Variants in CYFIP1 observed in about 807,000 individuals in gnomAD.
CYFIP1 encodes cytoplasmic FMR1 interacting protein 1, also known as cytoplasmic FMR1-interacting protein 1.
A neutral mutation model predicts 163.5 loss-of-function variants in CYFIP1; 58 were observed. The observed-to-expected ratio is 0.35, with a 90% CI of 0.29 to 0.44. The LOEUF (loss-of-function observed/expected upper bound fraction) is 0.44, where lower values mean the gene tolerates loss of function less well. Among genes scored for constraint, CYFIP1 ranks in the 20% least tolerant of loss-of-function variants. CYFIP1 has a pLI of 1.00. For synonymous variants in CYFIP1, 663 were observed against 660.7 expected, an observed-to-expected ratio of 1.00 and a Z score of -0.05; for missense variants, 1,338 against 1,653.8, an observed-to-expected ratio of 0.81 and a Z score of 3.31.
Position 22,931,686 on chromosome 15 carries a change from GAAAA to G in CYFIP1, c.1110+533_1110+536del, listed in dbSNP as rs766177290. Among the ~76,000 whole-genome samples, 77 of 39,704 alleles carry G rather than the reference GAAAA, an allele frequency of 1.9e-3. 1 individual carries two copies. Among genetic ancestry groups the G allele is most frequent in the East Asian group, 8.7e-3 (7 of 802 alleles). The allele number at this position is 39,704 out of a possible 152,430, so 26.0% of individuals were successfully genotyped here. A position where few individuals can be genotyped will look rare whatever the true frequency, so the allele number is the denominator to read the frequency against. On this transcript the variant is annotated intron_variant, in intron 11 of 30. Transcript: ENST00000617928. ...CTTGGGATCCCTATAATGTTTTTCTGAAAAAAAAAAAAAAAAAAAAAAAAGCTTT... is the reference window on the plus strand; with the variant it reads ...CTTGGGATCCCTATAATGTTTTTCTGAAAAAAAAAAAAAAAAAAAAGCTTT...
At chr15:22,965,340 T>C (rs2062868782) in intron 1 of CYFIP1, among the ~76,000 whole-genome samples, 1 of 152,174 alleles carries the variant, frequency 6.6e-6, no homozygotes. Flanking sequence ...ACGCCTGTAA[T>C]CCCAGCTACT....
Position 22,976,494 on chromosome 15 carries a change from T to C in CYFIP1, c.-7+3793A>G, listed in dbSNP as rs536811352. ...TAATTGTACATTGCTAGTACAGTAG[T>C]CCCCACTTACCTGTAGTTTCATTAT... On this transcript the variant is annotated intron_variant, in intron 1 of 30. Coordinates refer to ENST00000617928, the MANE Select transcript of CYFIP1 (RefSeq NM_014608.6). Among the ~76,000 whole-genome samples, 7 of 152,290 alleles carry C rather than the reference T, an allele frequency of 4.6e-5. No individual in the cohort carries two copies. The East Asian group carries it at 1.4e-3, about 29-fold the overall frequency.
rs200797242 is a variant in CYFIP1 at position 22,910,533 on chromosome 15, T to C, written c.2255A>G (p.Gln752Arg). 36 of 1,613,814 alleles carry C rather than the reference T, an allele frequency of 2.2e-5. No homozygotes were observed. Among genetic ancestry groups the C allele is most frequent in the Non-Finnish European group, 2.6e-5 (31 of 1,179,784 alleles). The change falls in exon 20 of 31, where the codon CAG becomes CGG. Residue 752 changes from glutamine (Q) to arginine (R), a missense_variant. Coordinates refer to ENST00000617928, the MANE Select transcript of CYFIP1 (RefSeq NM_014608.6). ...GCCCCAGCTCACCTGCACATGCCTC[T>C]GCTTCAGCAGCGTCTCGTAGCGGTT... ...PSNRYETLLK[Q>R]RHVQLLGRSI...
intron 16 of CYFIP1, 40 bp downstream of exon 16, chr15:22,916,437 G>C: frequency 6.8e-7 from 1 of 1,462,314 alleles, no homozygotes; most frequent in South Asian, 1.2e-5. Flanking sequence ...AGTGGTGTTA[G>C]GACATGCCAG....
At chr15:22,918,037 C>A in intron 14 of CYFIP1, 102 bp from the exon 15 acceptor site, 1 of 1,361,858 alleles carries the variant, frequency 7.3e-7, no homozygotes, top group Non-Finnish European at 1.0e-6. Flanking sequence ...CAGAACAGCC[C>A]CCATGAAAAT....
rs1273862584 is a variant in CYFIP1, at chr15:22,867,946, C to T, written c.*2082G>A. 6.6e-6 allele frequency: 1 copy of T among 151,474 alleles called. No individual in the cohort carries two copies. The highest frequency in any genetic ancestry group is 1.5e-5 in the Non-Finnish European group (1 of 67,642). The allele number at this position is 151,474 out of a possible 1,614,324, so 9.4% of individuals were successfully genotyped here. On this transcript the variant is annotated 3_prime_UTR_variant, in exon 31 of 31. Transcript: ENST00000617928. ...GAACTCCATTCAGCTTTGAACCTAT[C>T]CACTCATAACCATTGACTGGCCTTT...
Position 22,906,268 on chromosome 15 carries a change from G to A in CYFIP1, c.2389-2363C>T, listed in dbSNP as rs546404643. Among the ~76,000 whole-genome samples, 123 of 151,388 alleles carry A rather than the reference G, an allele frequency of 8.1e-4. 1 individual carries two copies. Among genetic ancestry groups the A allele is most frequent in the African/African-American group, 2.3e-3 (95 of 41,284 alleles). On this transcript the variant is annotated intron_variant, in intron 21 of 30. Transcript: ENST00000617928. ...ATTACAGGCATGTGCCACCACGCCC[G>A]GCTAATTTTTTGTATTTTTAGTAGA...
intron 1 of CYFIP1, among the ~76,000 whole-genome samples, chr15:22,963,674 C>T (rs1163494464): frequency 6.6e-6 from 1 of 152,186 alleles, no homozygotes; most frequent in East Asian, 1.9e-4. Flanking sequence ...GGTCGCCCCT[C>T]ACTCCTATGG....
chr15:22,914,762 T>C lies in CYFIP1; in HGVS notation c.1949A>G (p.Asp650Gly). ...TGCCTCCTTGGTCTCCAGGATGTGG[T>C]CCGTCAGGATCCAGGGCATCGACAT... ...IEMSMPWILT[D>G]HILETKEASM... The change falls in exon 17 of 31, where the codon GAC becomes GGC. Residue 650 changes from aspartate to glycine, a missense_variant. By Grantham distance (94) the Asp-to-Gly change is moderately conservative. This residue lies in a region of CYFIP1 where 824 missense variants were observed against 995.7 expected (regional missense o/e 0.83). Transcript: ENST00000617928. 1.9e-6 allele frequency: 3 copies of C among 1,613,604 alleles called. No homozygotes were observed. Among genetic ancestry groups the C allele is most frequent in the East Asian group, 2.2e-5 (1 of 44,844 alleles).
intron 15 of CYFIP1, 31 bp from the exon 16 acceptor site, chr15:22,916,661 A>G: frequency 6.2e-7 from 1 of 1,614,036 alleles, no homozygotes; most frequent in Non-Finnish European, 8.5e-7. Context: ...TTTGTGGGGG[A>G]GAAAATATAC....
chr15:22,925,947 G>A lies in CYFIP1; in HGVS notation c.1359+35C>T, dbSNP rs369418963. On this transcript the variant is annotated intron_variant, in intron 13 of 30. Coordinates refer to ENST00000617928, the MANE Select transcript of CYFIP1 (RefSeq NM_014608.6). ...AGAGAAGATGGTGTGAAGCTAGAGCGACATGAGGAAGAGCGAGCGGCCGAG... is the reference window on the plus strand; with the variant it reads ...AGAGAAGATGGTGTGAAGCTAGAGCAACATGAGGAAGAGCGAGCGGCCGAG... 300 of 1,604,324 alleles carry A rather than the reference G, an allele frequency of 1.9e-4. 1 individual carries two copies. The highest frequency in any genetic ancestry group is 1.3e-3 in the Middle Eastern group (8 of 6,028).
intron 1 of CYFIP1, among the ~76,000 whole-genome samples, chr15:22,972,239 C>G (rs912923027): frequency 2.6e-5 from 4 of 152,060 alleles, no homozygotes; most frequent in African/African-American, 9.7e-5. Flanking sequence ...AGTTCGAGAC[C>G]AGCCTGGCCA....
chr15:22,898,236 A>G (rs905258558), intron 22 of CYFIP1, among the ~76,000 whole-genome samples: 1 of 152,084 alleles, frequency 6.6e-6, no homozygotes, highest in Non-Finnish European at 1.5e-5. Flanking sequence ...TTACTCTATC[A>G]TTCCAAATAA....
intron 23 of CYFIP1, among the ~76,000 whole-genome samples, chr15:22,888,700 C>G (rs2059988810): frequency 6.7e-6 from 1 of 148,912 alleles, no homozygotes; most frequent in Admixed American, 6.8e-5. Context: ...CCACTGCAAT[C>G]CAGCAATGGG....
Position 22,893,097 on chromosome 15 carries a change from C to T in CYFIP1, c.2589-120G>A, listed in dbSNP as rs530671123. 6.2e-4 allele frequency: 427 copies of T among 692,080 alleles called. 3 individuals are homozygous for T. In the African/African-American group the frequency reaches 7.0e-3, roughly 11 times the overall value. 42.9% of individuals were successfully genotyped at this position (692,080 alleles called of 1,614,324 possible). On this transcript the variant is annotated intron_variant, in intron 22 of 30. Coordinates refer to ENST00000617928, the MANE Select transcript of CYFIP1 (RefSeq NM_014608.6). ...CCTCCCAGTCAACTGATACAATCAT[C>T]AAATAGGAAAATTCTAGTGAATCGA... is the stretch of plus-strand genomic sequence containing the variant.
chr15:22,895,472 T>C (rs2060211117), intron 22 of CYFIP1, among the ~76,000 whole-genome samples: 1 of 151,840 alleles, frequency 6.6e-6, no homozygotes, highest in Admixed American at 6.5e-5. Context: ...AAATAATACA[T>C]TTCTACAACT....
In CYFIP1 at chr15:22,873,527, T is replaced by G; in HGVS notation, c.3413A>C (p.Tyr1138Ser). The G allele has an allele frequency of 6.2e-7, 1 of 1,614,140 alleles. No homozygotes were observed. The highest frequency in any genetic ancestry group is 1.1e-5 in the South Asian group (1 of 91,080). The change falls in exon 29 of 31, where the codon TAC becomes TCC. Residue 1138 changes from tyrosine to serine, a missense_variant. This residue lies in a region of CYFIP1 where 306 missense variants were observed against 322.1 expected (regional missense o/e 0.95). Transcript: ENST00000617928. ...HRLWSAMQFVYCIPVGTHEFT... is the reference protein window; with the variant it reads ...HRLWSAMQFVSCIPVGTHEFT... ...CTCGTGTGTCCCCACGGGAATGCAG[T>G]AGACAAACTGCATGGCACTCCACAG... is the stretch of plus-strand genomic sequence containing the variant.
chr15:22,878,180 G>T (rs1205810659), intron 26 of CYFIP1, among the ~76,000 whole-genome samples: 1 of 152,222 alleles, frequency 6.6e-6, no homozygotes, highest in Admixed American at 6.5e-5. Flanking sequence ...CTTCGCCAGG[G>T]TATGTGGTGA....
chr15:22,946,856 A>C, intron 3 of CYFIP1, 147 bp downstream of exon 3: 1 of 761,196 alleles, frequency 1.3e-6, no homozygotes, highest in Non-Finnish European at 2.3e-6. Flanking sequence ...AAAAGCAAAG[A>C]CTGTCTTAAA....
Sources: gnomAD v4.1 joint callset for allele counts (sites outside exome capture counted in the v4.1 genomes callset) on GRCh38, gnomAD v4.1.1 for gene constraint, gnomAD v4.1.1 regional missense constraint, MANE v1.5 for transcripts, NCBI Gene and HGNC (gene_info 2026-07-23, HGNC 2026-07-21) for gene names.